Variants in ZDHHC14 observed in about 807,000 individuals in gnomAD.
ZDHHC14 encodes zDHHC palmitoyltransferase 14.
A neutral mutation model predicts 47.7 loss-of-function variants in ZDHHC14; 16 were observed. The ratio of observed to expected loss-of-function variants is 0.34; its 90% CI spans 0.23 to 0.51. The LOEUF (loss-of-function observed/expected upper bound fraction) is 0.51, where lower values mean the gene tolerates loss of function less well. Ranked by LOEUF, ZDHHC14 falls within the 20% of genes least tolerant of loss-of-function variation. ZDHHC14 has a pLI of 0.97. For missense variants in ZDHHC14, 515 were observed against 662.5 expected (o/e 0.78, Z 2.44); for synonymous variants, 293 against 278.9 (o/e 1.05, Z -0.50).
At chr6:157,382,669 A>G (rs1260992130) in intron 1 of ZDHHC14, among the ~76,000 whole-genome samples, 1 of 152,214 alleles carries the variant, frequency 6.6e-6, no homozygotes, top group Non-Finnish European at 1.5e-5. Flanking sequence ...TCAGGGATAC[A>G]TGGAACTGAC....
At chr6:157,468,098 T>G (rs935533854) in intron 1 of ZDHHC14, among the ~76,000 whole-genome samples, 1 of 152,080 alleles carries the variant, frequency 6.6e-6, no homozygotes, top group Non-Finnish European at 1.5e-5. Flanking sequence ...AGAAGAAAAC[T>G]ATAACCTAAC....
intron 3 of ZDHHC14, among the ~76,000 whole-genome samples, chr6:157,600,035 T>C (rs1294381820): frequency 6.6e-6 from 1 of 152,042 alleles, no homozygotes; most frequent in African/African-American, 2.4e-5. Flanking sequence ...AACTGAAAAG[T>C]TTTATGAAGA....
chr6:157,610,854 A>G (rs866118165), intron 3 of ZDHHC14, among the ~76,000 whole-genome samples: 11 of 152,222 alleles, frequency 7.2e-5, no homozygotes, highest in Admixed American at 6.5e-4. Context: ...TGGGCAGCCA[A>G]TTCGTAATCA....
chr6:157,628,596 T>G, intron 4 of ZDHHC14, 110 bp downstream of exon 4: 6 of 1,414,964 alleles, frequency 4.2e-6, no homozygotes, highest in Non-Finnish European at 5.8e-6. Context: ...CTCTTTCCCT[T>G]TCTTTCTCCC....
In ZDHHC14 at chr6:157,439,160, A is replaced by G. The variant is rs994307144; in HGVS notation, c.245+56894A>G. Among the ~76,000 whole-genome samples the G allele has an allele frequency of 3.9e-5, 6 of 152,336 alleles. No individual in the cohort carries two copies. In the East Asian group the frequency reaches 1.2e-3, roughly 29 times the overall value. ...CCATTTATATCTCTTATTTCCTGCT[A>G]AATATTTCCGTTCTTCATTTTCAAA... On this transcript the variant is annotated intron_variant, in intron 1 of 8. Transcript: ENST00000359775.
intron 2 of ZDHHC14, among the ~76,000 whole-genome samples, chr6:157,591,571 ACCT>A (rs1172283576): frequency 2.0e-5 from 3 of 152,096 alleles, no homozygotes; most frequent in Admixed American, 6.5e-5. Flanking sequence ...AGTCAACTAA[ACCT>A]CTTTCCTTTA....
At chr6:157,387,242 A>AG in intron 1 of ZDHHC14, among the ~76,000 whole-genome samples, 1 of 152,064 alleles carries the variant, frequency 6.6e-6, no homozygotes, top group African/African-American at 2.4e-5. Context: ...AAAAAAAAAA[A>AG]CAGTGAATAA....
intron 1 of ZDHHC14, among the ~76,000 whole-genome samples, chr6:157,536,508 C>A (rs1405756075): frequency 6.6e-6 from 1 of 152,150 alleles, no homozygotes; most frequent in Admixed American, 6.5e-5. Context: ...TAATATTGTT[C>A]TTTTGTTTTG....
chr6:157,561,412 G>C (rs543844734), intron 2 of ZDHHC14, among the ~76,000 whole-genome samples: 1 of 150,892 alleles, frequency 6.6e-6, no homozygotes, highest in African/African-American at 2.4e-5. Flanking sequence ...TTTTCTTACC[G>C]TGTGTATTAT....
chr6:157,490,084 C>T (rs1286399105), intron 1 of ZDHHC14, among the ~76,000 whole-genome samples: 1 of 151,986 alleles, frequency 6.6e-6, no homozygotes, highest in Non-Finnish European at 1.5e-5. Flanking sequence ...CAAGGGTGAC[C>T]CCCCTCAGTT....
chr6:157,667,563 G>C (rs1241566142), intron 8 of ZDHHC14, among the ~76,000 whole-genome samples: 3 of 151,334 alleles, frequency 2.0e-5, no homozygotes, highest in Non-Finnish European at 2.9e-5. Flanking sequence ...GAGCAAGAAA[G>C]TTAAGTAGAA....
chr6:157,531,933 G>C lies in ZDHHC14; in HGVS notation c.246-10652G>C, dbSNP rs548052667. ...TGACTGTCCCAGAGGGCCTGGCCTCGTTCTGCGGGATGGGCGTGGGGGTGC... is the reference window on the plus strand; with the variant it reads ...TGACTGTCCCAGAGGGCCTGGCCTCCTTCTGCGGGATGGGCGTGGGGGTGC... On this transcript the variant is annotated intron_variant, in intron 1 of 8. Coordinates refer to ENST00000359775, the MANE Select transcript of ZDHHC14 (RefSeq NM_024630.3). Among the ~76,000 whole-genome samples, 3 of 152,382 alleles carry C rather than the reference G, an allele frequency of 2.0e-5. No homozygotes were observed. In the East Asian group the frequency reaches 5.8e-4, roughly 29 times the overall value.
intron 1 of ZDHHC14, among the ~76,000 whole-genome samples, chr6:157,518,911 C>T (rs147525628): frequency 0.024 from 3,668 of 152,316 alleles, 152 homozygotes; most frequent in African/African-American, 0.084. Flanking sequence ...GGCACACAAA[C>T]GCTACAAGCC....
At chr6:157,595,532 C>G (rs1352971950) in intron 3 of ZDHHC14, among the ~76,000 whole-genome samples, 1 of 152,144 alleles carries the variant, frequency 6.6e-6, no homozygotes, top group Non-Finnish European at 1.5e-5. Context: ...TCTTCTCAAT[C>G]TACTGTGACT....
chr6:157,471,155 A>G (rs1273244065), intron 1 of ZDHHC14, among the ~76,000 whole-genome samples: 1 of 152,174 alleles, frequency 6.6e-6, no homozygotes, highest in East Asian at 1.9e-4. Flanking sequence ...ACCTAATTTA[A>G]AGCTCAGATA....
intron 7 of ZDHHC14, among the ~76,000 whole-genome samples, chr6:157,649,534 C>G (rs1403172688): frequency 6.6e-6 from 1 of 152,218 alleles, no homozygotes; most frequent in Non-Finnish European, 1.5e-5. Flanking sequence ...TGGGCCAGGG[C>G]CTTCCCGGGC....
At chr6:157,555,261 T>C (rs1227374576) in intron 2 of ZDHHC14, among the ~76,000 whole-genome samples, 6 of 152,242 alleles carry the variant, frequency 3.9e-5, no homozygotes, top group Non-Finnish European at 7.3e-5. Context: ...AAAAAGTTCA[T>C]GTTCCTAGAA....
chr6:157,450,412 G>T lies in ZDHHC14; in HGVS notation c.245+68146G>T, dbSNP rs753598445. 2.0e-5 allele frequency among the ~76,000 whole-genome samples: 3 copies of T among 151,836 alleles called. No individual in the cohort carries two copies. The East Asian group carries it at 5.8e-4, about 29-fold the overall frequency. On this transcript the variant is annotated intron_variant, in intron 1 of 8. Coordinates refer to ENST00000359775, the MANE Select transcript of ZDHHC14 (RefSeq NM_024630.3). The stretch of plus-strand genomic sequence containing the variant: ...TTTAGAAATTCCTGAACATTCGGGA[G>T]GCTGAGGCAGGAGAATGGCGTGAAC...
In ZDHHC14 at chr6:157,635,670, G is replaced by C. The variant is rs541347037; in HGVS notation, c.752+2788G>C. On this transcript the variant is annotated intron_variant, in intron 5 of 8. Transcript: ENST00000359775. Reference sequence around the variant, plus strand: ...GTCTGCACGCTGCATGGTGTGGCTGGGCTGACAGTCTGCAGAACCAGGAAC... The same window carrying C: ...GTCTGCACGCTGCATGGTGTGGCTGCGCTGACAGTCTGCAGAACCAGGAAC... 3.3e-5 allele frequency among the ~76,000 whole-genome samples: 5 copies of C among 152,132 alleles called. No individual in the cohort carries two copies. In the East Asian group the frequency reaches 7.8e-4, roughly 24 times the overall value.
Sources: allele counts gnomAD v4.1 joint callset (sites outside exome capture counted in the v4.1 genomes callset), GRCh38; gene constraint gnomAD v4.1.1; transcripts MANE v1.5; gene names NCBI Gene and HGNC (gene_info 2026-07-23, HGNC 2026-07-21).